FKBP9: variants seen among roughly 807,000 people sequenced by gnomAD.
FKBP9 encodes FKBP prolyl isomerase 9.
FKBP9 carries 27 observed loss-of-function variants against 55.6 expected under a neutral mutation model. That is an observed-to-expected ratio of 0.49 (90% CI 0.36 to 0.67). FKBP9 has a LOEUF of 0.67. Ranked by LOEUF, FKBP9 falls within the 30% of genes least tolerant of loss-of-function variation. The probability of loss-of-function intolerance (pLI) is 0.00; values close to 1 mark genes in which losing one functional copy is unlikely to be tolerated. For synonymous variants in FKBP9, 267 were observed against 296.5 expected (o/e 0.90, Z 1.02); for missense variants, 539 against 742.8 (o/e 0.73, Z 3.19).
chr7:32,967,705 T>G (rs895821389), intron 1 of FKBP9, among the ~76,000 whole-genome samples: 3 of 152,344 alleles, frequency 2.0e-5, no homozygotes, highest in East Asian at 3.9e-4. Context: ...TGTGCAAATA[T>G]CTGAGTTGTT....
chr7:32,959,131 C>T (rs1423283958), intron 1 of FKBP9, among the ~76,000 whole-genome samples: 5 of 151,786 alleles, frequency 3.3e-5, no homozygotes, highest in African/African-American at 4.8e-5. Flanking sequence ...ACAGGCCGGG[C>T]GCGGTGGCTC....
At chr7:32,990,572 C>G (rs1784661086) in intron 6 of FKBP9, among the ~76,000 whole-genome samples, 2 of 152,196 alleles carry the variant, frequency 1.3e-5, no homozygotes, top group South Asian at 4.1e-4. Context: ...AAAAAAATGC[C>G]CACCTACACT....
chr7:32,980,426 C>A lies in FKBP9; in HGVS notation c.766C>A (p.Pro256Thr). The change falls in exon 5 of 10, where the codon CCC (proline) becomes ACC (threonine). Residue 256 changes from proline to threonine, a missense_variant. Pro to Thr is a conservative substitution (Grantham distance 38, BLOSUM62 -1). Around this residue, in one of 4 missense-constraint regions of FKBP9, gnomAD observed 172 missense variants for 205.3 expected, o/e 0.84. Transcript: ENST00000242209. ...FDVALLDLHN[P>T]KDSISIENKV... ...TGTTGCATTATTGGACCTCCATAAC[C>A]CCAAGGACAGCATTTCCATTGAGAA... The A allele has an allele frequency of 6.2e-7, 1 of 1,613,686 alleles. No homozygotes were observed. Among genetic ancestry groups the A allele is most frequent in the Non-Finnish European group, 8.5e-7 (1 of 1,179,814 alleles).
chr7:32,965,812 A>AAATATATATATATAT (rs1554284289), intron 1 of FKBP9, among the ~76,000 whole-genome samples: 2 of 34,936 alleles, frequency 5.7e-5, no homozygotes, highest in African/African-American at 2.4e-4. Context: ...AAAAAAAAAA[A>AAATATATATATATAT]ATATATATAT....
At chr7:32,978,432 T>C (rs1784406644) in intron 4 of FKBP9, among the ~76,000 whole-genome samples, 2 of 152,184 alleles carry the variant, frequency 1.3e-5, no homozygotes, top group South Asian at 2.1e-4. Flanking sequence ...GACACCATCA[T>C]AGCTCACTGT....
intron 6 of FKBP9, among the ~76,000 whole-genome samples, chr7:32,989,593 T>A (rs908726883): frequency 3.8e-4 from 58 of 151,926 alleles, no homozygotes; most frequent in African/African-American, 1.2e-3. Context: ...TTTTTTTTTT[T>A]AATTTTCAGT....
chr7:32,965,559 G>T (rs1784115926), intron 1 of FKBP9, among the ~76,000 whole-genome samples: 1 of 151,764 alleles, frequency 6.6e-6, no homozygotes, highest in African/African-American at 2.4e-5. Flanking sequence ...CTGGCACTTT[G>T]GGAGGCCGAG....
chr7:32,999,204 C>T (rs1784876574), intron 7 of FKBP9, among the ~76,000 whole-genome samples: 2 of 151,984 alleles, frequency 1.3e-5, no homozygotes, highest in African/African-American at 4.8e-5. Flanking sequence ...GCCCTGGGTC[C>T]AGGGGAGGTC....
At chr7:32,965,812 A>AAAATATATATATATAT (rs1554284289) in intron 1 of FKBP9, among the ~76,000 whole-genome samples, 1 of 34,942 alleles carries the variant, frequency 2.9e-5, no homozygotes, top group African/African-American at 1.2e-4. Context: ...AAAAAAAAAA[A>AAAATATATATATATAT]ATATATATAT....
rs866062763 is a variant in FKBP9 at position 32,975,279 on chromosome 7, G to A, written c.465G>A (p.Lys155=). 3 of 1,613,848 alleles carry A rather than the reference G, an allele frequency of 1.9e-6. No homozygotes were observed. The East Asian group carries it at 6.7e-5, about 36-fold the overall frequency. ...AGGTTCAGATTCACACCTATTTCAA[G>A]CCCCCGAGTTGCCCTCGGACCATCC... is the stretch of plus-strand genomic sequence containing the variant. The part of the protein sequence containing the change: ...EDQVQIHTYF[K]PPSCPRTIQV... Residue 155 remains lysine, a synonymous_variant, in exon 3 of 10, where the codon AAG becomes AAA. Transcript: ENST00000242209.
chr7:32,963,797 A>G lies in FKBP9; in HGVS notation c.221+6003A>G, dbSNP rs141605937. 2.4e-6 allele frequency: 3 copies of G among 1,248,476 alleles called. No homozygotes were observed. The African/African-American group carries it at 4.7e-5, about 19-fold the overall frequency. The allele number at this position is 1,248,476 out of a possible 1,614,324, so 77.3% of individuals were successfully genotyped here. On this transcript the variant is annotated intron_variant, in intron 1 of 9. Coordinates refer to ENST00000242209, the MANE Select transcript of FKBP9 (RefSeq NM_007270.5). ...CCAATAAGCTCCCCATGCTGCACAC[A>G]TGACCTCTGGGATCCAGCACCAGCG...
intron 1 of FKBP9, among the ~76,000 whole-genome samples, chr7:32,961,194 G>A (rs1020792921): frequency 1.3e-5 from 2 of 152,182 alleles, no homozygotes; most frequent in African/African-American, 4.8e-5. Flanking sequence ...GCAGGGATAA[G>A]ACCCAAGGAT....
chr7:32,990,814 G>GT (rs1236807280), intron 6 of FKBP9, among the ~76,000 whole-genome samples: 1 of 152,136 alleles, frequency 6.6e-6, no homozygotes, highest in Non-Finnish European at 1.5e-5. Flanking sequence ...GTTCTGTTCT[G>GT]TTTTTTTGTT....
chr7:32,981,574 T>C (rs1016944660), intron 5 of FKBP9, among the ~76,000 whole-genome samples: 2 of 152,112 alleles, frequency 1.3e-5, no homozygotes, highest in African/African-American at 4.8e-5. Flanking sequence ...TTCTAGTTAA[T>C]GTAGTCATCC....
intron 1 of FKBP9, among the ~76,000 whole-genome samples, chr7:32,959,081 A>G (rs1447610931): frequency 1.3e-5 from 2 of 151,242 alleles, no homozygotes; most frequent in African/African-American, 2.5e-5. Context: ...AGAAATGGTC[A>G]TTCTTACTAC....
At chr7:32,999,467 TTGG>T (rs1026764634) in intron 7 of FKBP9, among the ~76,000 whole-genome samples, 2 of 150,038 alleles carry the variant, frequency 1.3e-5, no homozygotes, top group African/African-American at 2.5e-5. Flanking sequence ...AATTAAACTC[TTGG>T]TGGTCTTTTT....
At chr7:32,959,659 T>G (rs766036948) in intron 1 of FKBP9, among the ~76,000 whole-genome samples, 6 of 152,220 alleles carry the variant, frequency 3.9e-5, no homozygotes, top group Non-Finnish European at 7.3e-5. Context: ...GAATCCACTT[T>G]ATGTCTCTAT....
chr7:32,987,106 G>A (rs542225672), intron 5 of FKBP9, among the ~76,000 whole-genome samples: 1 of 152,162 alleles, frequency 6.6e-6, no homozygotes, highest in Non-Finnish European at 1.5e-5. Context: ...GGGTGGCGGG[G>A]TGAGCAGGGG....
intron 1 of FKBP9, among the ~76,000 whole-genome samples, chr7:32,969,677 T>C (rs1305771677): frequency 6.6e-6 from 1 of 152,154 alleles, no homozygotes; most frequent in Admixed American, 6.6e-5. Flanking sequence ...TTGTTCTTCT[T>C]TCTCAGGATT....
Sources: gnomAD v4.1 joint callset for allele counts (sites outside exome capture counted in the v4.1 genomes callset) on GRCh38, gnomAD v4.1.1 for gene constraint, gnomAD v4.1.1 regional missense constraint, MANE v1.5 for transcripts, NCBI Gene and HGNC (gene_info 2026-07-23, HGNC 2026-07-21) for gene names.